The following MROH9 variants were observed in gnomAD, a reference collection of about 807,000 sequenced individuals.
The protein encoded by MROH9 is maestro heat-like repeat-containing protein family member 9.
MROH9 carries 92 observed loss-of-function variants against 98.2 expected under a neutral mutation model. The observed-to-expected ratio is 0.94, with a 90% CI of 0.79 to 1.11. The LOEUF (loss-of-function observed/expected upper bound fraction) is 1.11. Ranked by LOEUF, MROH9 falls within the 50% of genes most tolerant of loss-of-function variation. The pLI, the probability that MROH9 is intolerant of heterozygous loss-of-function variation, is 0.00. For missense variants in MROH9, 1,057 were observed against 1,014.8 expected, an observed-to-expected ratio of 1.04 and a Z score of -0.57; for synonymous variants, 397 against 368.9, an observed-to-expected ratio of 1.08 and a Z score of -0.87.
At chr1:171,062,399 T>TACTCTCTTTCCCTGTTTCAGTCTCTCCA (rs1485003171) in intron 21 of MROH9, among the ~76,000 whole-genome samples, 5 of 152,200 alleles carry the variant, frequency 3.3e-5, no homozygotes, top group African/African-American at 1.2e-4. Context: ...TATTTCCCCT[T>TACTCTCTTTCCCTGTTTCAGTCTCTCCA]ACTCTCTTTC....
At chr1:170,987,512 T>C (rs1651188075) in intron 10 of MROH9, among the ~76,000 whole-genome samples, 1 of 152,200 alleles carries the variant, frequency 6.6e-6, no homozygotes, top group Non-Finnish European at 1.5e-5. Flanking sequence ...TCTCAATTCT[T>C]CATGCTGGTT....
At chr1:170,947,601 C>T (rs373225212) in intron 3 of MROH9, 28 bp downstream of exon 3, 54 of 1,576,700 alleles carry the variant, frequency 3.4e-5, no homozygotes, top group South Asian at 7.9e-5. Flanking sequence ...AGGATATCAA[C>T]GTAACTGAAT....
chr1:171,040,179 G>C (rs964924969), intron 20 of MROH9, among the ~76,000 whole-genome samples: 1 of 152,084 alleles, frequency 6.6e-6, no homozygotes, highest in Admixed American at 6.6e-5. Flanking sequence ...GAAATGTAAA[G>C]TATAATGGTG....
intron 8 of MROH9, among the ~76,000 whole-genome samples, chr1:170,982,951 A>G (rs2101799190): frequency 6.6e-6 from 1 of 152,304 alleles, no homozygotes; most frequent in African/African-American, 2.4e-5. Flanking sequence ...ATATCTCTAT[A>G]GAGCTATTTA....
chr1:170,943,426 T>C (rs899453874), intron 1 of MROH9, among the ~76,000 whole-genome samples: 4 of 151,770 alleles, frequency 2.6e-5, no homozygotes, highest in Non-Finnish European at 5.9e-5. Context: ...ATAACTGATA[T>C]CACTAAAGAA....
chr1:170,980,268 C>A (rs546701647), intron 8 of MROH9, among the ~76,000 whole-genome samples: 1 of 151,858 alleles, frequency 6.6e-6, no homozygotes, highest in Non-Finnish European at 1.5e-5. Flanking sequence ...CAAAAAAGAC[C>A]CCGTAGAGCC....
chr1:171,013,030 GTGCTCAAACACACCC>G (rs1348412043), intron 15 of MROH9, among the ~76,000 whole-genome samples: 1 of 151,900 alleles, frequency 6.6e-6, no homozygotes, highest in Non-Finnish European at 1.5e-5. Context: ...CATCTTTCAG[GTGCTCAAACACACCC>G]TGCTTCATAT....
chr1:170,959,246 G>A (rs1460465980), intron 4 of MROH9, among the ~76,000 whole-genome samples: 1 of 152,036 alleles, frequency 6.6e-6, no homozygotes, highest in East Asian at 1.9e-4. Flanking sequence ...GTGGTGGCGG[G>A]CGCCTGTAGT....
intron 15 of MROH9, among the ~76,000 whole-genome samples, chr1:171,000,275 G>C (rs191825681): frequency 6.6e-6 from 1 of 151,652 alleles, no homozygotes; most frequent in East Asian, 1.9e-4. Flanking sequence ...ATGTCTAGAA[G>C]TTTTTTTTCC....
chr1:170,957,368 C>T (rs139610429), intron 3 of MROH9, among the ~76,000 whole-genome samples: 262 of 152,260 alleles, frequency 1.7e-3, no homozygotes, highest in African/African-American at 6.1e-3. Context: ...GATAAGGGTC[C>T]CATTTCATTT....
At chr1:170,983,591 G>T in intron 9 of MROH9, 57 bp downstream of exon 9, 1 of 987,120 alleles carries the variant, frequency 1.0e-6, no homozygotes, top group Non-Finnish European at 1.6e-6. Flanking sequence ...ATTACTCTTA[G>T]TAACAATTTA....
At chr1:171,053,925 G>A (rs1049464950) in intron 20 of MROH9, among the ~76,000 whole-genome samples, 7 of 152,088 alleles carry the variant, frequency 4.6e-5, no homozygotes, top group Non-Finnish European at 1.5e-5. Context: ...GAATGAGGCA[G>A]AAGAACTCCT....
chr1:170,953,891 G>A (rs77179519), intron 3 of MROH9, among the ~76,000 whole-genome samples: 197 of 18,842 alleles, frequency 0.01, no homozygotes, highest in African/African-American at 0.054. Flanking sequence ...AAGAAAGAAA[G>A]AAAAAAAGAG....
intron 15 of MROH9, among the ~76,000 whole-genome samples, chr1:171,010,267 C>T (rs1652103854): frequency 6.6e-6 from 1 of 152,182 alleles, no homozygotes; most frequent in South Asian, 2.1e-4. Flanking sequence ...CTGCAAAGGA[C>T]ATGAACTCAT....
At position 170,989,913 on chromosome 1, in the gene MROH9, A is replaced by G; in HGVS notation, c.938A>G (p.Asp313Gly). The change falls in exon 11 of 22, where the codon GAT becomes GGT. Residue 313 changes from aspartate (D) to glycine (G), a missense_variant. Asp to Gly is a moderately conservative substitution (Grantham distance 94). Transcript: ENST00000367759. ...CTGTGTGATAACAATTGTATGAAGG[A>G]TGTTATGTTGCAGGTTATCACTTTG... is the stretch of plus-strand genomic sequence containing the variant. The part of the protein sequence containing the change: ...RQLCDNNCMK[D>G]VMLQVITLLT... 1 of 1,613,280 alleles carries G rather than the reference A, an allele frequency of 6.2e-7. No homozygotes were observed. Among genetic ancestry groups the G allele is most frequent in the Non-Finnish European group, 8.5e-7 (1 of 1,179,366 alleles).
intron 8 of MROH9, among the ~76,000 whole-genome samples, chr1:170,978,469 C>A (rs1650801153): frequency 6.6e-6 from 1 of 152,074 alleles, no homozygotes; most frequent in African/African-American, 2.4e-5. Flanking sequence ...AGCCAGGGGC[C>A]CTGGCTGGTG....
In MROH9 at chr1:171,064,581, T is replaced by C. The variant is rs563655959; in HGVS notation, c.*241T>C. On this transcript the variant is annotated 3_prime_UTR_variant, in exon 22 of 22. Coordinates refer to ENST00000367759, the MANE Select transcript of MROH9 (RefSeq NM_001163629.2). The stretch of plus-strand genomic sequence containing the variant: ...GACAGTGATCAGAAGCCCTATTTCA[T>C]CAAAACCACTAAGACAATTGAAAAT... 3 of 397,956 alleles carry C rather than the reference T, an allele frequency of 7.5e-6. No homozygotes were observed. The highest frequency in any genetic ancestry group is 5.1e-5 in the South Asian group (1 of 19,712). 24.7% of individuals were successfully genotyped at this position (397,956 alleles called of 1,614,324 possible). A position where few individuals can be genotyped will look rare whatever the true frequency, so the allele number is the denominator to read the frequency against.
chr1:171,039,663 A>G (rs72710590), intron 20 of MROH9, among the ~76,000 whole-genome samples: 13,545 of 152,202 alleles, frequency 0.089, 753 homozygotes, highest in Middle Eastern at 0.22. Flanking sequence ...ATTTAGTAAA[A>G]CCACTAAAGA....
At chr1:170,976,792 G>A (rs2101792176) in intron 8 of MROH9, among the ~76,000 whole-genome samples, 1 of 152,240 alleles carries the variant, frequency 6.6e-6, no homozygotes, top group African/African-American at 2.4e-5. Context: ...AGCAAGGTTG[G>A]GGAAGTTTTC....
Sources: gnomAD v4.1 joint callset for allele counts (sites outside exome capture counted in the v4.1 genomes callset) on GRCh38, gnomAD v4.1.1 for gene constraint, MANE v1.5 for transcripts, NCBI Gene and HGNC (gene_info 2026-07-23, HGNC 2026-07-21) for gene names.